WDR45B: variants seen among roughly 807,000 people sequenced by gnomAD.
WDR45B encodes the protein WD repeat domain phosphoinositide-interacting protein 3.
WDR45B carries 20 observed loss-of-function variants against 44.6 expected under a neutral mutation model. That is an observed-to-expected ratio of 0.45 (90% CI 0.32 to 0.65). WDR45B has a LOEUF of 0.65. Ranked by LOEUF, WDR45B falls within the 30% of genes least tolerant of loss-of-function variation. The probability of loss-of-function intolerance (pLI) is 0.05; values close to 1 mark genes in which losing one functional copy is unlikely to be tolerated. For missense variants in WDR45B, 323 were observed against 430.2 expected, an observed-to-expected ratio of 0.75 and a Z score of 2.20; for synonymous variants, 169 against 164.9, an observed-to-expected ratio of 1.02 and a Z score of -0.19.
intron 5 of WDR45B, among the ~76,000 whole-genome samples, chr17:82,623,167 G>C (rs979410478): frequency 6.6e-6 from 1 of 151,940 alleles, no homozygotes; most frequent in African/African-American, 2.4e-5. Flanking sequence ...CAAGGAAGGC[G>C]GATCACCTGA....
intron 3 of WDR45B, chr17:82,629,869 C>T: frequency 1.0e-6 from 1 of 985,228 alleles, no homozygotes; most frequent in Non-Finnish European, 1.2e-6. Flanking sequence ...CCTAGTTCAC[C>T]CACTCACTTC....
At chr17:82,646,591 T>C (rs2045981480) in intron 1 of WDR45B, among the ~76,000 whole-genome samples, 1 of 151,640 alleles carries the variant, frequency 6.6e-6, no homozygotes, top group Non-Finnish European at 1.5e-5. Context: ...ATCTATGATG[T>C]CACAAGTCAG....
Position 82,648,440 on chromosome 17 carries a change from G to T in WDR45B, c.-100C>A. The T allele has an allele frequency of 7.0e-7, 1 of 1,432,288 alleles. No individual in the cohort carries two copies. The highest frequency in any genetic ancestry group is 9.5e-7 in the Non-Finnish European group (1 of 1,055,922). The allele number at this position is 1,432,288 out of a possible 1,614,324, so 88.7% of individuals were successfully genotyped here. On this transcript the variant is annotated 5_prime_UTR_variant, in exon 1 of 10. Coordinates refer to ENST00000392325, the MANE Select transcript of WDR45B (RefSeq NM_019613.4). ...GCCGGCGCTGAGGCCGCCGCGGCCG[G>T]AAGTGCCGGACGTACGTGCGTGCGT...
intron 3 of WDR45B, among the ~76,000 whole-genome samples, chr17:82,630,524 G>A (rs796938590): frequency 6.6e-6 from 1 of 151,972 alleles, no homozygotes; most frequent in African/African-American, 2.4e-5. Context: ...AACATATCCC[G>A]AAACCCAGAG....
chr17:82,617,652 GC>G (rs1197969599), intron 7 of WDR45B: 1 of 515,284 alleles, frequency 1.9e-6, no homozygotes, highest in African/African-American at 1.9e-5. Context: ...CAGCTGATGA[GC>G]TGTGTGTCTG....
intron 7 of WDR45B, among the ~76,000 whole-genome samples, chr17:82,618,560 G>T (rs539485366): frequency 6.6e-6 from 1 of 152,288 alleles, no homozygotes; most frequent in South Asian, 2.1e-4. Context: ...CAGGGCAGCA[G>T]CGAGACCCCT....
At chr17:82,646,015 G>A (rs374959959) in intron 1 of WDR45B, among the ~76,000 whole-genome samples, 2 of 152,054 alleles carry the variant, frequency 1.3e-5, no homozygotes, top group South Asian at 4.1e-4. Context: ...CAACTACTCG[G>A]GAGCCTGAGG....
chr17:82,643,412 G>A (rs780327359), intron 2 of WDR45B, among the ~76,000 whole-genome samples: 11 of 151,686 alleles, frequency 7.3e-5, no homozygotes, highest in Non-Finnish European at 1.3e-4. Flanking sequence ...CAGCCTGGGC[G>A]ACAGAGCAAG....
chr17:82,642,687 A>G (rs988290859), intron 2 of WDR45B, among the ~76,000 whole-genome samples: 1 of 152,190 alleles, frequency 6.6e-6, no homozygotes, highest in Non-Finnish European at 1.5e-5. Flanking sequence ...GTCAGAACTG[A>G]AAGGACACCC....
At chr17:82,618,606 G>A (rs958491972) in intron 7 of WDR45B, among the ~76,000 whole-genome samples, 2 of 152,174 alleles carry the variant, frequency 1.3e-5, no homozygotes, top group African/African-American at 4.8e-5. Context: ...GCGTGGTGGT[G>A]CACAACTGTG....
rs553437679 is a variant in WDR45B at position 82,614,985 on chromosome 17, G to A, written c.*934C>T. The A allele has an allele frequency of 2.0e-5, 3 of 152,192 alleles. No individual in the cohort carries two copies. Among genetic ancestry groups the A allele is most frequent in the Admixed American group, 6.5e-5 (1 of 15,284 alleles). 9.4% of individuals were successfully genotyped at this position (152,192 alleles called of 1,614,324 possible). A position where few individuals can be genotyped will look rare whatever the true frequency, so the allele number is the denominator to read the frequency against. ...GAGACGGTGGACCTGGGGGCTCGGA[G>A]GCCAGACCAGGGCATTTCCCTCCAC... On this transcript the variant is annotated 3_prime_UTR_variant, in exon 10 of 10. Coordinates refer to ENST00000392325, the MANE Select transcript of WDR45B (RefSeq NM_019613.4).
chr17:82,647,482 T>TCC (rs2045993917), intron 1 of WDR45B, among the ~76,000 whole-genome samples: 1 of 152,094 alleles, frequency 6.6e-6, no homozygotes, highest in African/African-American at 2.4e-5. Flanking sequence ...CCCGGCCGCA[T>TCC]CCCCCGCAGC....
At chr17:82,622,056 C>T (rs1278608905) in intron 5 of WDR45B, among the ~76,000 whole-genome samples, 3 of 152,112 alleles carry the variant, frequency 2.0e-5, no homozygotes, top group Non-Finnish European at 4.4e-5. Context: ...TCATGGTACG[C>T]GCTACCGAAA....
intron 2 of WDR45B, among the ~76,000 whole-genome samples, chr17:82,631,882 A>G (rs1461329094): frequency 6.6e-6 from 1 of 151,886 alleles, no homozygotes; most frequent in Non-Finnish European, 1.5e-5. Context: ...CAAGAGACTG[A>G]GACCATCTGG....
chr17:82,641,801 G>C lies in WDR45B; in HGVS notation c.142+2148C>G, dbSNP rs567125907. On this transcript the variant is annotated intron_variant, in intron 2 of 9. Coordinates refer to ENST00000392325, the MANE Select transcript of WDR45B (RefSeq NM_019613.4). Reference sequence around the variant, plus strand: ...CAATCCCAGCTACTCGGGAGGCTGAGGCAGGAGAAAGGCCTGAACCCGGGA... The same window carrying C: ...CAATCCCAGCTACTCGGGAGGCTGACGCAGGAGAAAGGCCTGAACCCGGGA... Among the ~76,000 whole-genome samples, 3 of 152,086 alleles carry C rather than the reference G, an allele frequency of 2.0e-5. No individual in the cohort carries two copies. The East Asian group carries it at 5.8e-4, about 29-fold the overall frequency.
At chr17:82,623,058 C>G (rs1272888346) in intron 5 of WDR45B, among the ~76,000 whole-genome samples, 2 of 152,170 alleles carry the variant, frequency 1.3e-5, no homozygotes, top group African/African-American at 2.4e-5. Context: ...GCAATACTTG[C>G]AAAAGTGTGC....
At chr17:82,621,937 G>T (rs1485816747) in intron 5 of WDR45B, 138 bp from the exon 6 acceptor site, 7 of 1,056,464 alleles carry the variant, frequency 6.6e-6, no homozygotes, top group South Asian at 1.4e-5. Flanking sequence ...TCAATTTAAA[G>T]ATTTTTCATT....
At chr17:82,642,388 C>A (rs1402866208) in intron 2 of WDR45B, among the ~76,000 whole-genome samples, 1 of 152,194 alleles carries the variant, frequency 6.6e-6, no homozygotes, top group Non-Finnish European at 1.5e-5. Context: ...ACAGTTTCAT[C>A]CCGAAACCAT....
chr17:82,626,675 C>G (rs1448691414), intron 4 of WDR45B: 7 of 159,330 alleles, frequency 4.4e-5, no homozygotes, highest in Admixed American at 4.2e-4. Context: ...AAATAAAAAC[C>G]CAAATGAACG....
Sources: gnomAD v4.1 joint callset for allele counts (sites outside exome capture counted in the v4.1 genomes callset) on GRCh38, gnomAD v4.1.1 for gene constraint, MANE v1.5 for transcripts, NCBI Gene and HGNC (gene_info 2026-07-23, HGNC 2026-07-21) for gene names.